CEP85L: variants seen among roughly 807,000 people sequenced by gnomAD.
CEP85L encodes the protein centrosomal protein 85L, also known as centrosomal protein of 85 kDa-like.
In CEP85L, 60 loss-of-function variants were observed where a neutral mutation model predicts 100.3. The observed-to-expected ratio is 0.60, with a 90% CI of 0.49 to 0.74. The LOEUF (loss-of-function observed/expected upper bound fraction) is 0.74. CEP85L is among the 30% of genes least tolerant of loss of function. The pLI is 0.00. For missense variants in CEP85L, 973 were observed against 936.2 expected, an observed-to-expected ratio of 1.04 and a Z score of -0.51; for synonymous variants, 319 against 322.7, an observed-to-expected ratio of 0.99 and a Z score of 0.12.
chr6:118,544,109 G>A (rs1365838972), intron 3 of CEP85L, among the ~76,000 whole-genome samples: 1 of 143,674 alleles, frequency 7.0e-6, no homozygotes, highest in Non-Finnish European at 1.5e-5. Context: ...TCAAAGGGCT[G>A]AGATATCAAC....
At position 118,610,178 on chromosome 6, in the gene CEP85L, GGTT is replaced by G. The variant is rs1200384594; in HGVS notation, c.232+22272_232+22274del. Among the ~76,000 whole-genome samples, 3 of 152,144 alleles carry G rather than the reference GGTT, an allele frequency of 2.0e-5. No individual in the cohort carries two copies. In the East Asian group the frequency reaches 5.8e-4, roughly 29 times the overall value. ...CTCAAAGAAGTCAGAAATTATTCAA[GGTT>G]GTACAGATAACTATAATAAGTAATA... On this transcript the variant is annotated intron_variant, in intron 2 of 12. Transcript: ENST00000368491.
At chr6:118,544,395 A>T (rs1464679337) in intron 3 of CEP85L, among the ~76,000 whole-genome samples, 3 of 151,866 alleles carry the variant, frequency 2.0e-5, no homozygotes, top group Admixed American at 6.6e-5. Context: ...TGCTCATTTG[A>T]CTCTCAATTG....
chr6:118,564,544 CATGTTAAGGGTTCTCCTATGAATGTAGT>C (rs1392074661), intron 3 of CEP85L, among the ~76,000 whole-genome samples: 1 of 152,108 alleles, frequency 6.6e-6, no homozygotes. Context: ...GTACATGCGA[CATGTTAAGGGTTCTCCTATGAATGTAGT>C]ATGTTAGGGT....
chr6:118,581,567 C>T (rs1780579537), intron 2 of CEP85L, among the ~76,000 whole-genome samples: 1 of 152,022 alleles, frequency 6.6e-6, no homozygotes, highest in Non-Finnish European at 1.5e-5. Context: ...GAGGGTCACA[C>T]CTACAGCCAC....
rs542347544 is a variant in CEP85L, at chr6:118,692,386, A to C, written c.-28+17650T>G. Among the ~76,000 whole-genome samples, 151 of 152,300 alleles carry C rather than the reference A, an allele frequency of 9.9e-4. 1 individual carries two copies. Among genetic ancestry groups the C allele is most frequent in the African/African-American group, 3.4e-3 (143 of 41,550 alleles). On this transcript the variant is annotated intron_variant, in intron 1 of 13. Coordinates refer to the CEP85L transcript ENST00000368488. ...AGAACTATATGTCCATATATGGGAC[A>C]AAGCACTGAAAGCAGGGCATTAGTT...
At chr6:118,469,369 G>T in intron 11 of CEP85L, 66 bp from the exon 12 acceptor site, 1 of 1,245,048 alleles carries the variant, frequency 8.0e-7, no homozygotes, top group Non-Finnish European at 1.2e-6. Context: ...AAGCCATACA[G>T]GTTAACATTC....
chr6:118,656,582 C>A (rs1448289100), upstream of CEP85L, among the ~76,000 whole-genome samples: 2 of 152,090 alleles, frequency 1.3e-5, no homozygotes, highest in African/African-American at 4.8e-5. Context: ...CTGACAGCCT[C>A]CAACTTTTAG....
Position 118,562,649 on chromosome 6 carries a change from C to T in CEP85L, c.1020+2880G>A, listed in dbSNP as rs958134421. Among the ~76,000 whole-genome samples, 4 of 152,118 alleles carry T rather than the reference C, an allele frequency of 2.6e-5. No homozygotes were observed. The South Asian group carries it at 6.2e-4, about 24-fold the overall frequency. ...GTGTTGGGATTACAGGGGTGAGCTA[C>T]CATGCTTGGTCCAAATTTTTTGTTT... On this transcript the variant is annotated intron_variant, in intron 3 of 12. Transcript: ENST00000368491.
At chr6:118,553,145 AAAACT>A (rs1405178156) in intron 3 of CEP85L, among the ~76,000 whole-genome samples, 3 of 152,040 alleles carry the variant, frequency 2.0e-5, no homozygotes, top group Non-Finnish European at 2.9e-5. Flanking sequence ...ACATGAAAAT[AAAACT>A]AAACTATTTT....
At position 118,651,217 on chromosome 6, in the gene CEP85L, C is replaced by A; in HGVS notation, c.53G>T (p.Gly18Val). The change falls in exon 1 of 13, where the codon GGA (glycine) becomes GTA (valine). Residue 18 changes from glycine (G) to valine (V), a missense_variant. Around this residue, in one of 3 missense-constraint regions of CEP85L, gnomAD observed 79 missense variants for 73.3 expected, o/e 1.08. Coordinates refer to ENST00000368491, the MANE Select transcript of CEP85L (RefSeq NM_001042475.3). ...PEASGRDSPGGARSFPAGPDY... is the reference protein window; with the variant it reads ...PEASGRDSPGVARSFPAGPDY... ...CTTACCGGCAGGGAAGCTGCGGGCT[C>A]CGCCGGGGCTATCCCGGCCGCTGGC... The A allele has an allele frequency of 6.7e-7, 1 of 1,496,946 alleles. No individual in the cohort carries two copies. Among genetic ancestry groups the A allele is most frequent in the East Asian group, 2.8e-5 (1 of 35,480 alleles). The allele number at this position is 1,496,946 out of a possible 1,614,324, so 92.7% of individuals were successfully genotyped here.
At chr6:118,580,006 C>A (rs1255225685) in intron 2 of CEP85L, among the ~76,000 whole-genome samples, 1 of 152,174 alleles carries the variant, frequency 6.6e-6, no homozygotes, top group Non-Finnish European at 1.5e-5. Context: ...TATTAAAAGG[C>A]TAGGGTGGGA....
intron 2 of CEP85L, among the ~76,000 whole-genome samples, chr6:118,613,961 G>A (rs1200953477): frequency 2.0e-5 from 3 of 151,952 alleles, no homozygotes; most frequent in East Asian, 1.9e-4. Flanking sequence ...ATTCCTTATC[G>A]ATACACGAAA....
intron 5 of CEP85L, chr6:118,502,511 A>G: frequency 2.0e-6 from 1 of 504,072 alleles, no homozygotes; most frequent in Non-Finnish European, 3.8e-6. Context: ...AAGTAGAGCC[A>G]GCAGGACATT....
At chr6:118,555,628 C>G (rs1018647613) in intron 3 of CEP85L, among the ~76,000 whole-genome samples, 4 of 152,080 alleles carry the variant, frequency 2.6e-5, no homozygotes, top group Non-Finnish European at 5.9e-5. Flanking sequence ...AAATATATGT[C>G]AAGTTTAAGC....
chr6:118,643,068 C>T (rs1306337886), intron 1 of CEP85L, among the ~76,000 whole-genome samples: 1 of 151,818 alleles, frequency 6.6e-6, no homozygotes, highest in Non-Finnish European at 1.5e-5. Flanking sequence ...GTATTTCAGA[C>T]GGGCTTATCT....
chr6:118,537,253 T>C (rs1777648540), intron 3 of CEP85L, among the ~76,000 whole-genome samples: 1 of 152,168 alleles, frequency 6.6e-6, no homozygotes, highest in Non-Finnish European at 1.5e-5. Context: ...TAAAAGGTAG[T>C]TATAAACCTT....
intron 1 of CEP85L, among the ~76,000 whole-genome samples, chr6:118,678,800 C>A (rs1197814743): frequency 6.6e-6 from 1 of 152,186 alleles, no homozygotes; most frequent in Admixed American, 6.5e-5. Flanking sequence ...GGCATGGTGG[C>A]AGGTGCCTGC....
At chr6:118,567,777 G>C (rs544673463) in intron 2 of CEP85L, among the ~76,000 whole-genome samples, 9 of 152,278 alleles carry the variant, frequency 5.9e-5, no homozygotes, top group African/African-American at 2.2e-4. Context: ...AAACGAGCCA[G>C]GTAGACTATT....
intron 1 of CEP85L, among the ~76,000 whole-genome samples, chr6:118,668,859 C>G (rs534306495): frequency 6.6e-6 from 1 of 152,240 alleles, no homozygotes; most frequent in South Asian, 2.1e-4. Flanking sequence ...TCTTATCTGG[C>G]TTTGTTTATT....
Sources: gnomAD v4.1 joint callset for allele counts (sites outside exome capture counted in the v4.1 genomes callset) on GRCh38, gnomAD v4.1.1 for gene constraint, gnomAD v4.1.1 regional missense constraint, MANE v1.5 for transcripts, NCBI Gene and HGNC (gene_info 2026-07-23, HGNC 2026-07-21) for gene names.